DNAAF6: variants seen among roughly 807,000 people sequenced by gnomAD.
The protein encoded by DNAAF6 is PIH1 domain containing 3.
Under a neutral mutation model 13.7 loss-of-function variants are expected in DNAAF6, and 3 were observed. The ratio of observed to expected loss-of-function variants is 0.22; its 90% CI spans 0.10 to 0.56. DNAAF6 has a LOEUF of 0.56. Ranked by LOEUF, DNAAF6 falls within the 20% of genes least tolerant of loss-of-function variation. DNAAF6 has a pLI of 0.92. For synonymous variants in DNAAF6, 54 were observed against 49.2 expected (o/e 1.10, Z -0.41); for missense variants, 130 against 151.0 (o/e 0.86, Z 0.73).
In DNAAF6 at chrX:107,218,870, C is replaced by G. The variant is rs1218973426; in HGVS notation, c.233C>G (p.Pro78Arg). Residue 78 changes from proline to arginine, a missense_variant, in exon 4 of 7, where the codon CCT (proline) becomes CGT (arginine). By Grantham distance (103) the Pro-to-Arg change is moderately radical. Transcript: ENST00000372453. ...PPQIEELKVI[P>R]ETSEENNEDI... ...ATCTTCCCTTTCTTCACAGTCATCC[C>G]TGAAACCAGCGAGGAAAATAATGAG... The G allele has an allele frequency of 2.5e-6, 3 of 1,188,090 alleles. No homozygotes were observed. Among genetic ancestry groups the G allele is most frequent in the African/African-American group, 3.6e-5 (2 of 55,659 alleles).
chrX:107,232,397 A>G (rs1242448138), intron 5 of DNAAF6, among the ~76,000 whole-genome samples: 1 of 111,307 alleles, frequency 9.0e-6, no homozygotes, highest in Non-Finnish European at 1.9e-5. Flanking sequence ...TTTTAAAAAT[A>G]CTTCATAGAT....
At chrX:107,226,078 T>A (rs775118467) in intron 5 of DNAAF6, among the ~76,000 whole-genome samples, 5 of 111,976 alleles carry the variant, frequency 4.5e-5, no homozygotes, top group Non-Finnish European at 9.4e-5. Flanking sequence ...AGGCAGCTCT[T>A]AGGAGAATGG....
chrX:107,226,323 A>G (rs1260775573), intron 5 of DNAAF6, among the ~76,000 whole-genome samples: 1 of 111,391 alleles, frequency 9.0e-6, no homozygotes, highest in African/African-American at 3.3e-5. Flanking sequence ...TTTTCTTTTT[A>G]TCCTCTAGCC....
chrX:107,214,483 G>A (rs748083198), intron 2 of DNAAF6, among the ~76,000 whole-genome samples: 1 of 111,532 alleles, frequency 9.0e-6, no homozygotes, highest in Admixed American at 9.6e-5. Context: ...GTTTATGGCT[G>A]GAGGTGTTTA....
At chrX:107,212,205 A>G (rs1927872386) in intron 1 of DNAAF6, among the ~76,000 whole-genome samples, 2 of 111,183 alleles carry the variant, frequency 1.8e-5, no homozygotes. Context: ...TATCCAATGT[A>G]CCAAAGGAAC....
At chrX:107,215,769 GA>G in intron 2 of DNAAF6, among the ~76,000 whole-genome samples, 1 of 111,901 alleles carries the variant, frequency 8.9e-6, no homozygotes, top group Non-Finnish European at 1.9e-5. Context: ...AAGAGAGATA[GA>G]GGTGCTAGTT....
Position 107,216,698 on chromosome X carries a change from A to G in DNAAF6, c.181A>G (p.Met61Val). The G allele has an allele frequency of 8.3e-7, 1 of 1,203,222 alleles. No individual in the cohort carries two copies. The highest frequency in any genetic ancestry group is 1.7e-5 in the African/African-American group (1 of 57,590). The change falls in exon 3 of 7, where the codon ATG becomes GTG. Residue 61 changes from methionine to valine, a missense_variant. Met to Val is a conservative substitution (Grantham distance 21, BLOSUM62 1). Transcript: ENST00000372453. ...QTNGLSTIGA[M>V]GPGNIGPPQI... ...AAATGGTTTATCTACTATTGGAGCC[A>G]TGGGTCCTGGGAATATTGGACCACC...
intron 5 of DNAAF6, among the ~76,000 whole-genome samples, chrX:107,230,234 A>G (rs1199241064): frequency 9.0e-6 from 1 of 111,725 alleles, no homozygotes; most frequent in Non-Finnish European, 1.9e-5. Flanking sequence ...TTCTAAATCC[A>G]TCTAATTTTC....
chrX:107,225,305 C>G lies in DNAAF6; in HGVS notation c.429+2464C>G, dbSNP rs1470049582. 2.7e-5 allele frequency among the ~76,000 whole-genome samples: 3 copies of G among 111,180 alleles called. No homozygotes were observed. The Admixed American group carries it at 2.9e-4, about 11-fold the overall frequency. On this transcript the variant is annotated intron_variant, in intron 5 of 6. Coordinates refer to ENST00000372453, the MANE Select transcript of DNAAF6 (RefSeq NM_173494.2). ...GTTGTTGAGCCCATCTCAAGTATTTCTTGCTCAAATGTATATGCTTATCAT... is the reference window on the plus strand; with the variant it reads ...GTTGTTGAGCCCATCTCAAGTATTTGTTGCTCAAATGTATATGCTTATCAT...
At chrX:107,235,519 A>G (rs751764388) in intron 5 of DNAAF6, among the ~76,000 whole-genome samples, 9 of 111,467 alleles carry the variant, frequency 8.1e-5, no homozygotes, top group Non-Finnish European at 1.5e-4. Context: ...GTTGTATCCT[A>G]AGGACACTCA....
rs187966212 is a variant in DNAAF6 at position 107,232,060 on chromosome X, A to T, written c.430-6862A>T. Among the ~76,000 whole-genome samples, 10 of 110,903 alleles carry T rather than the reference A, an allele frequency of 9.0e-5. No individual in the cohort carries two copies. In the East Asian group the frequency reaches 2.9e-3, roughly 32 times the overall value. Reference sequence around the variant, plus strand: ...TTTTCTAGAGATGTGGTTTCACCATATTGGTCAGGCTGGTCTCAAACTCCT... The same window carrying T: ...TTTTCTAGAGATGTGGTTTCACCATTTTGGTCAGGCTGGTCTCAAACTCCT... On this transcript the variant is annotated intron_variant, in intron 5 of 6. Coordinates refer to ENST00000372453, the MANE Select transcript of DNAAF6 (RefSeq NM_173494.2).
intron 6 of DNAAF6, 126 bp downstream of exon 6, chrX:107,239,133 T>C: frequency 1.0e-6 from 1 of 967,560 alleles, no homozygotes; most frequent in Non-Finnish European, 1.3e-6. Flanking sequence ...GAAAATTTTG[T>C]ATTCAGATGT....
In DNAAF6 at chrX:107,218,897, A is replaced by G. The variant is rs777107680; in HGVS notation, c.260A>G (p.Asp87Gly). ...IPETSEENNE[D>G]IWNSEEIPEG... is the part of the protein sequence containing the mutation. The stretch of plus-strand genomic sequence containing the variant: ...GAAACCAGCGAGGAAAATAATGAGG[A>G]CATCTGGAATTCAGAAGAGATTCCA... The change falls in exon 4 of 7, where the codon GAC becomes GGC. Residue 87 changes from aspartate (D) to glycine (G), a missense_variant. Asp to Gly is a moderately conservative substitution (Grantham distance 94). Transcript: ENST00000372453. 3.2e-5 allele frequency: 38 copies of G among 1,193,121 alleles called. No homozygotes were observed. The South Asian group carries it at 6.4e-4, about 20-fold the overall frequency.
rs769190494 is a variant in DNAAF6, at chrX:107,238,936, G to A, written c.444G>A (p.Leu148=). The A allele has an allele frequency of 8.3e-7, 1 of 1,208,966 alleles. No individual in the cohort carries two copies. The highest frequency in any genetic ancestry group is 1.1e-6 in the Non-Finnish European group (1 of 894,443). ...TTCTCTTTCAGGCTAAAATTAAATT[G>A]CCAAATACAAACCCTTCTGATATTC... ...CCSELVAKIK[L]PNTNPSDIQI... is the part of the protein sequence containing the mutation. The change falls in exon 6 of 7, where the codon TTG becomes TTA. Residue 148 remains leucine, a synonymous_variant. Transcript: ENST00000372453.
chrX:107,238,870 A>G (rs1928571806), intron 5 of DNAAF6, 52 bp from the exon 6 acceptor site: 2 of 1,193,517 alleles, frequency 1.7e-6, no homozygotes, highest in Non-Finnish European at 2.3e-6. Flanking sequence ...ATATTCTTCA[A>G]ATTAATTGCT....
intron 2 of DNAAF6, among the ~76,000 whole-genome samples, chrX:107,214,936 C>A (rs1182421403): frequency 9.0e-6 from 1 of 111,122 alleles, no homozygotes; most frequent in Non-Finnish European, 1.9e-5. Context: ...GAGAGTGTGT[C>A]TGTCATTTTT....
intron 2 of DNAAF6, among the ~76,000 whole-genome samples, chrX:107,214,729 T>G (rs1927939003): frequency 1.8e-5 from 2 of 112,137 alleles, no homozygotes; most frequent in Non-Finnish European, 3.8e-5. Context: ...TCTAATGAAC[T>G]ATTACATTTT....
chrX:107,213,614 A>C (rs1348998327), intron 2 of DNAAF6, among the ~76,000 whole-genome samples: 1 of 111,922 alleles, frequency 8.9e-6, no homozygotes, highest in Admixed American at 9.5e-5. Context: ...TTGCAGTAGC[A>C]AGATGGGCTT....
chrX:107,231,612 A>T (rs1016790901), intron 5 of DNAAF6, among the ~76,000 whole-genome samples: 2 of 111,038 alleles, frequency 1.8e-5, no homozygotes, highest in African/African-American at 6.5e-5. Context: ...CCATCCTTGC[A>T]TTCATTCATT....
Sources: allele counts gnomAD v4.1 joint callset (sites outside exome capture counted in the v4.1 genomes callset), GRCh38; gene constraint gnomAD v4.1.1; transcripts MANE v1.5; gene names NCBI Gene and HGNC (gene_info 2026-07-23, HGNC 2026-07-21).